Variants in ABCC10 observed in about 807,000 individuals in gnomAD.
ABCC10 encodes ATP binding cassette subfamily C member 10.
A neutral mutation model predicts 143.2 loss-of-function variants in ABCC10; 110 were observed. The ratio of observed to expected loss-of-function variants is 0.77; its 90% confidence interval spans 0.66 to 0.90. The LOEUF is 0.90. Ranked by LOEUF, ABCC10 falls within the 40% of genes least tolerant of loss-of-function variation. The pLI, the probability that ABCC10 is intolerant of heterozygous loss-of-function variation, is 0.00. For missense variants in ABCC10, 1,700 were observed against 1,900.5 expected (o/e 0.89, Z 1.96); for synonymous variants, 805 against 846.7 (o/e 0.95, Z 0.85).
chr6:43,445,637 G>A lies in ABCC10; in HGVS notation c.3069G>A (p.Arg1023=). Residue 1023 remains arginine, a synonymous_variant, in exon 15 of 22, where the codon CGG becomes CGA. Transcript: ENST00000372530. ...TCTTCAATGCCACACCCACGGGCCG[G>A]ATCCTAAACCGCTTCTCCTCTGATG... The part of the protein sequence containing the change: ...VTFFNATPTG[R]ILNRFSSDVA... The A allele has an allele frequency of 1.9e-6, 3 of 1,613,764 alleles. No individual in the cohort carries two copies. The highest frequency in any genetic ancestry group is 2.5e-6 in the Non-Finnish European group (3 of 1,179,706).
intron 7 of ABCC10, chr6:43,438,388 G>C (rs1047156270): frequency 7.0e-7 from 1 of 1,423,586 alleles, no homozygotes; most frequent in African/African-American, 1.4e-5. Flanking sequence ...CTCCTGAACA[G>C]ATGTAAGTAC....
chr6:43,428,615 G>C (rs904209727), intron 2 of ABCC10, among the ~76,000 whole-genome samples: 1 of 152,212 alleles, frequency 6.6e-6, no homozygotes, highest in African/African-American at 2.4e-5. Flanking sequence ...GGAAGCAGTA[G>C]ATAGACAAGA....
At chr6:43,441,307 C>G (rs1782437360) in intron 8 of ABCC10, among the ~76,000 whole-genome samples, 1 of 151,344 alleles carries the variant, frequency 6.6e-6, no homozygotes, top group South Asian at 2.1e-4. Flanking sequence ...GAAACCCCGT[C>G]TCTACTAAAA....
intron 8 of ABCC10, 52 bp from the exon 9 acceptor site, chr6:43,441,810 G>A (rs1581756674): frequency 2.0e-6 from 3 of 1,470,982 alleles, no homozygotes; most frequent in Middle Eastern, 2.2e-4. Context: ...ATAGGAAGTG[G>A]GCCAGAAGGT....
chr6:43,451,075 C>T, downstream of ABCC10: 1 of 1,614,220 alleles, frequency 6.2e-7, no homozygotes, highest in Non-Finnish European at 8.5e-7. The surrounding 1 kb of genome is among the most constrained non-coding windows in gnomAD (Gnocchi z 4.4). Flanking sequence ...CAGAAGCGTC[C>T]AGCAAAGCCC....
rs775117371 is a variant in ABCC10 at position 43,449,074 on chromosome 6, C to T, written c.4106-33C>T. The T allele has an allele frequency of 1.9e-6, 3 of 1,613,946 alleles. No individual in the cohort carries two copies. The Admixed American group carries it at 5.0e-5, about 27-fold the overall frequency. On this transcript the variant is annotated intron_variant, in intron 19 of 21. Transcript: ENST00000372530. ...AGAGCAAGAAGGGAGCAGGGATGGC[C>T]TGGGCCCTGCAACGAAGATGCTTTC... is the stretch of plus-strand genomic sequence containing the variant.
At chr6:43,430,996 T>A (rs1781067194) in intron 2 of ABCC10, 1 of 152,184 alleles carries the variant, frequency 6.6e-6, no homozygotes, top group East Asian at 1.9e-4. Flanking sequence ...AGTGCTGGGA[T>A]TACGGGCATA....
rs1250778987 is a variant in ABCC10, at chr6:43,432,703, C to G, written c.723C>G (p.Leu241=). The part of the protein sequence containing the change: ...PLLARGACGE[L]RQPQDICRLP... ...TGGCCCGTGGGGCCTGTGGAGAGCT[C>G]CGGCAGCCTCAGGACATTTGCCGCC... The change falls in exon 3 of 22, where the codon CTC becomes CTG. Residue 241 remains leucine (L), a synonymous_variant. Coordinates refer to ENST00000372530, the MANE Select transcript of ABCC10 (RefSeq NM_001198934.2). The G allele has an allele frequency of 3.1e-6, 5 of 1,614,018 alleles. No individual in the cohort carries two copies. Among genetic ancestry groups the G allele is most frequent in the Non-Finnish European group, 4.2e-6 (5 of 1,180,002 alleles).
At chr6:43,440,368 G>A (rs1375003178) in intron 8 of ABCC10, among the ~76,000 whole-genome samples, 1 of 152,184 alleles carries the variant, frequency 6.6e-6, no homozygotes, top group African/African-American at 2.4e-5. Context: ...GGAAGCACCC[G>A]TGATCCACTA....
Position 43,450,382 on chromosome 6 carries a change from T to TC in ABCC10, c.*293dup, listed in dbSNP as rs1018141001. On this transcript the variant is annotated 3_prime_UTR_variant, in exon 22 of 22. Coordinates refer to ENST00000372530, the MANE Select transcript of ABCC10 (RefSeq NM_001198934.2). This position sits in a 1 kb window ranked among gnomAD's most constrained non-coding sequence, Gnocchi z 4.5. ...TTTTCATAGTTTTATTTGATAAAAT[T>TC]CCATCTTACATTCTGTGTATTAAAA... is the stretch of plus-strand genomic sequence containing the variant. 2 of 1,047,408 alleles carry TC rather than the reference T, an allele frequency of 1.9e-6. No individual in the cohort carries two copies. The highest frequency in any genetic ancestry group is 3.2e-5 in the African/African-American group (2 of 61,858). 64.9% of individuals were successfully genotyped at this position (1,047,408 alleles called of 1,614,324 possible). A position where few individuals can be genotyped will look rare whatever the true frequency, so the allele number is the denominator to read the frequency against.
chr6:43,449,959 G>A lies in ABCC10; in HGVS notation c.4347G>A (p.Val1449=), dbSNP rs1783599801. The A allele has an allele frequency of 1.2e-6, 2 of 1,614,076 alleles. No homozygotes were observed. The change falls in exon 22 of 22, where the codon GTG becomes GTA. Residue 1449 remains valine (V), a synonymous_variant. Coordinates refer to ENST00000372530, the MANE Select transcript of ABCC10 (RefSeq NM_001198934.2). ...RLNTILNSDR[V]LVLQAGRVVE... ...ACACGATCCTGAACTCAGACCGGGT[G>A]CTGGTGCTACAAGCGGGGAGAGTGG...
chr6:43,451,327 G>T, downstream of ABCC10: 1 of 1,578,028 alleles, frequency 6.3e-7, no homozygotes, highest in Non-Finnish European at 8.6e-7. This position sits in a 1 kb window ranked among gnomAD's most constrained non-coding sequence, Gnocchi z 4.4. Flanking sequence ...CACCTGTAGG[G>T]CAGCCCAGGT....
intron 8 of ABCC10, among the ~76,000 whole-genome samples, chr6:43,440,285 T>A (rs984070393): frequency 6.6e-6 from 1 of 152,100 alleles, no homozygotes; most frequent in Non-Finnish European, 1.5e-5. Context: ...AGAGAAGGAA[T>A]GTACTACCTC....
downstream of ABCC10, chr6:43,450,438 T>C: frequency 7.5e-7 from 1 of 1,325,556 alleles, no homozygotes; most frequent in Non-Finnish European, 1.0e-6. The surrounding 1 kb of genome is among the most constrained non-coding windows in gnomAD (Gnocchi z 4.5). Flanking sequence ...GGCTGAGGTC[T>C]CCTCTGTGTG....
chr6:43,449,528 C>A lies in ABCC10; in HGVS notation c.4310C>A (p.Ala1437Asp). The A allele has an allele frequency of 6.2e-7, 1 of 1,612,742 alleles. No homozygotes were observed. Among genetic ancestry groups the A allele is most frequent in the Non-Finnish European group, 8.5e-7 (1 of 1,179,242 alleles). ...GCCAACAAGACAGTGCTGACCATTG[C>A]CCATAGGTATGTAAACGCCTGGTAA... ...RFANKTVLTI[A>D]HRLNTILNSD... The change falls in exon 21 of 22, where the codon GCC (alanine) becomes GAC (aspartate). Residue 1437 changes from alanine (A) to aspartate (D), a missense_variant. Transcript: ENST00000372530.
At chr6:43,446,932 C>A in intron 16 of ABCC10, 1 of 992,734 alleles carries the variant, frequency 1.0e-6, no homozygotes, top group Non-Finnish European at 1.3e-6. Context: ...ACTGCAACCT[C>A]TGCCTCCTGG....
Position 43,444,359 on chromosome 6 carries a change from A to C in ABCC10, c.2689+6A>C, listed in dbSNP as rs374365131. On this transcript the variant is annotated splice_donor_region_variant and intron_variant, in intron 12 of 21. Coordinates refer to ENST00000372530, the MANE Select transcript of ABCC10 (RefSeq NM_001198934.2). The stretch of plus-strand genomic sequence containing the variant: ...CTCTCTGCTTCTCATGCAAGGTGAG[A>C]GCGTGCCTGGGAGTCTCTTACATCG... 1 of 1,597,588 alleles carries C rather than the reference A, an allele frequency of 6.3e-7. No homozygotes were observed. The highest frequency in any genetic ancestry group is 1.3e-5 in the African/African-American group (1 of 74,332).
At chr6:43,431,886 T>C (rs1781175665) in intron 2 of ABCC10, 10 of 1,308,970 alleles carry the variant, frequency 7.6e-6, no homozygotes, top group Non-Finnish European at 7.8e-6. Context: ...GAATCAGAAA[T>C]GGTGTGGGTA....
At position 43,427,617 on chromosome 6, in the gene ABCC10, A is replaced by T; in HGVS notation, c.-152A>T. ...GGGTGCCAGCCGGGGCGGGCCCAGC[A>T]CCCCGGCCGGGCAGTACTTTTTTTT... On this transcript the variant is annotated 5_prime_UTR_variant, in exon 1 of 22. Transcript: ENST00000372530. 3.0e-6 allele frequency: 1 copy of T among 332,396 alleles called. No homozygotes were observed. Among genetic ancestry groups the T allele is most frequent in the Non-Finnish European group, 5.7e-6 (1 of 176,080 alleles). The allele number at this position is 332,396 out of a possible 1,614,324, so 20.6% of individuals were successfully genotyped here.
Sources: allele counts gnomAD v4.1 joint callset (sites outside exome capture counted in the v4.1 genomes callset), GRCh38; gene constraint gnomAD v4.1.1; non-coding constraint Gnocchi (gnomAD v3.1); transcripts MANE v1.5; gene names NCBI Gene and HGNC (gene_info 2026-07-23, HGNC 2026-07-21).